Variants in XKR6 observed in about 807,000 individuals in gnomAD.
XKR6 encodes XK-related protein 6.
A neutral mutation model predicts 56.7 loss-of-function variants in XKR6; 22 were observed. The ratio of observed to expected loss-of-function variants is 0.39; its 90% CI spans 0.28 to 0.55. The LOEUF (loss-of-function observed/expected upper bound fraction) is 0.55, where lower values mean the gene tolerates loss of function less well. Ranked by LOEUF, XKR6 falls within the 20% of genes least tolerant of loss-of-function variation. The pLI, the probability that XKR6 is intolerant of heterozygous loss-of-function variation, is 0.66. For synonymous variants in XKR6, 524 were observed against 387.8 expected (o/e 1.35, Z -4.13); for missense variants, 852 against 889.0 (o/e 0.96, Z 0.53).
intron 1 of XKR6, among the ~76,000 whole-genome samples, chr8:11,119,035 C>T (rs1799315961): frequency 6.6e-6 from 1 of 151,966 alleles, no homozygotes; most frequent in Non-Finnish European, 1.5e-5. Flanking sequence ...TTTCAAAGAA[C>T]ATCTTTATTT....
intron 1 of XKR6, among the ~76,000 whole-genome samples, chr8:11,129,761 G>T (rs895938100): frequency 6.6e-6 from 1 of 152,106 alleles, no homozygotes; most frequent in African/African-American, 2.4e-5. Flanking sequence ...AGGAGGACAG[G>T]GAAACAGGAC....
intron 1 of XKR6, among the ~76,000 whole-genome samples, chr8:11,162,861 T>A (rs2117017004): frequency 6.6e-6 from 1 of 152,340 alleles, no homozygotes; most frequent in Non-Finnish European, 1.5e-5. Flanking sequence ...CCAATATTCC[T>A]ATCCTAGCAT....
intron 1 of XKR6, among the ~76,000 whole-genome samples, chr8:11,183,287 G>A (rs1015226595): frequency 3.0e-4 from 46 of 152,126 alleles, no homozygotes; most frequent in African/African-American, 1.1e-3. Context: ...TCATTATATT[G>A]CTTTCCACAG....
At chr8:11,090,240 A>T (rs929362231) in intron 1 of XKR6, among the ~76,000 whole-genome samples, 1 of 152,032 alleles carries the variant, frequency 6.6e-6, no homozygotes, top group Admixed American at 6.6e-5. Context: ...GTGCACCAAC[A>T]GGCCCTGCTG....
At chr8:11,113,266 G>A (rs1392871254) in intron 1 of XKR6, among the ~76,000 whole-genome samples, 1 of 152,162 alleles carries the variant, frequency 6.6e-6, no homozygotes. Flanking sequence ...AAACCTTTTT[G>A]GAATTCTATT....
At chr8:10,932,900 C>A (rs1323708007) in intron 1 of XKR6, among the ~76,000 whole-genome samples, 1 of 141,624 alleles carries the variant, frequency 7.1e-6, no homozygotes, top group Non-Finnish European at 1.5e-5. Context: ...GTGCATGTGT[C>A]TTTATAGCAG....
At position 10,898,574 on chromosome 8, in the gene XKR6, T is replaced by A; in HGVS notation, c.1304A>T (p.Glu435Val). 6.2e-7 allele frequency: 1 copy of A among 1,614,116 alleles called. No homozygotes were observed. The highest frequency in any genetic ancestry group is 8.5e-7 in the Non-Finnish European group (1 of 1,180,020). Residue 435 changes from glutamate to valine, a missense_variant, in exon 3 of 3, where the codon GAA becomes GTA. Physicochemically the swap from Glu to Val is moderately radical, Grantham distance 121. This residue lies in a region of XKR6 where 199 missense variants were observed against 280.4 expected (regional missense o/e 0.71). Transcript: ENST00000416569. This position sits in a 1 kb window ranked among gnomAD's most constrained non-coding sequence, Gnocchi z 6.6. ...VYIFCWFNVK[E>V]GRTRYRMFAY... ...AAACATTCGATATCGAGTCCGCCCT[T>A]CCTTGACGTTAAACCAGCAGAAAAT...
intron 1 of XKR6, among the ~76,000 whole-genome samples, chr8:11,043,896 G>A (rs571446335): frequency 6.6e-6 from 1 of 152,342 alleles, no homozygotes; most frequent in South Asian, 2.1e-4. Context: ...CAGGACCTAA[G>A]GCCGTGCAGG....
chr8:11,127,968 C>G (rs1563157654), intron 1 of XKR6, among the ~76,000 whole-genome samples: 1 of 152,146 alleles, frequency 6.6e-6, no homozygotes, highest in Non-Finnish European at 1.5e-5. Context: ...ATAGTTCACA[C>G]TAAAATTAGA....
intron 1 of XKR6, among the ~76,000 whole-genome samples, chr8:11,179,627 C>T (rs899921919): frequency 5.9e-5 from 9 of 152,152 alleles, no homozygotes; most frequent in African/African-American, 2.2e-4. Flanking sequence ...CAGGGGACTC[C>T]TCCACCTTCC....
At chr8:10,948,559 C>A (rs1163022366) in intron 1 of XKR6, among the ~76,000 whole-genome samples, 1 of 152,142 alleles carries the variant, frequency 6.6e-6, no homozygotes, top group East Asian at 1.9e-4. Flanking sequence ...GCCTGGTCGG[C>A]TGCCCAGAGA....
chr8:11,187,745 T>G (rs959571374), intron 1 of XKR6, among the ~76,000 whole-genome samples: 2 of 152,142 alleles, frequency 1.3e-5, no homozygotes, highest in African/African-American at 4.8e-5. Context: ...CATCACTCAA[T>G]GATGGTGTGG....
In XKR6 at chr8:10,898,176, T is replaced by A. The variant is rs559409974; in HGVS notation, c.1702A>T (p.Met568Leu). The change falls in exon 3 of 3, where the codon ATG becomes TTG. Residue 568 changes from methionine (M) to leucine (L), a missense_variant. Met to Leu is a conservative substitution (Grantham distance 15). Coordinates refer to ENST00000416569, the MANE Select transcript of XKR6 (RefSeq NM_173683.4). This position sits in a 1 kb window ranked among gnomAD's most constrained non-coding sequence, Gnocchi z 6.6. ...TCLPVFQVRP[M>L]GPPTPLGRPY... ...CGCCCCAACGGGGTAGGGGGCCCCA[T>A]GGGTCTCACTTGGAAAACAGGCAAG... 1.9e-6 allele frequency: 3 copies of A among 1,614,064 alleles called. No homozygotes were observed. The highest frequency in any genetic ancestry group is 2.2e-5 in the East Asian group (1 of 44,884).
At chr8:11,163,576 T>C (rs1476183277) in intron 1 of XKR6, among the ~76,000 whole-genome samples, 1 of 152,204 alleles carries the variant, frequency 6.6e-6, no homozygotes, top group Non-Finnish European at 1.5e-5. Flanking sequence ...AGGGCAAACA[T>C]TTAGAAAACT....
intron 1 of XKR6, among the ~76,000 whole-genome samples, chr8:11,190,316 T>C (rs1225435096): frequency 6.6e-6 from 1 of 152,104 alleles, no homozygotes; most frequent in Non-Finnish European, 1.5e-5. Flanking sequence ...AGCTTCTTTA[T>C]ATCCTTGGGA....
chr8:11,037,021 C>T (rs939852805), intron 1 of XKR6, among the ~76,000 whole-genome samples: 1 of 152,166 alleles, frequency 6.6e-6, no homozygotes, highest in African/African-American at 2.4e-5. Context: ...GTGCCCTCTG[C>T]AGGTTTTTGT....
intron 1 of XKR6, among the ~76,000 whole-genome samples, chr8:11,164,860 T>G (rs1199260130): frequency 6.6e-6 from 1 of 152,170 alleles, no homozygotes; most frequent in African/African-American, 2.4e-5. Flanking sequence ...CATCACTTAA[T>G]TAAGAAACAA....
At chr8:11,123,747 C>G (rs560303158) in intron 1 of XKR6, 2 of 424,136 alleles carry the variant, frequency 4.7e-6, no homozygotes. Context: ...ACCCCTACCC[C>G]GGGAAAAAAA....
At chr8:11,042,726 CA>C (rs1009626995) in intron 1 of XKR6, among the ~76,000 whole-genome samples, 1 of 152,206 alleles carries the variant, frequency 6.6e-6, no homozygotes. Context: ...TGTGGGTGCT[CA>C]AAAAGCTTCA....
Sources: gnomAD v4.1 joint callset for allele counts (sites outside exome capture counted in the v4.1 genomes callset) on GRCh38, gnomAD v4.1.1 for gene constraint, gnomAD v4.1.1 regional missense constraint, Gnocchi (gnomAD v3.1) non-coding constraint, MANE v1.5 for transcripts, NCBI Gene and HGNC (gene_info 2026-07-23, HGNC 2026-07-21) for gene names.